Variants in BRIP1 observed in about 807,000 individuals in gnomAD.
The protein encoded by BRIP1 is Fanconi anemia group J protein.
Under a neutral mutation model 119.7 loss-of-function variants are expected in BRIP1, and 88 were observed. That is an observed-to-expected ratio of 0.74 (90% CI 0.62 to 0.88). The LOEUF (loss-of-function observed/expected upper bound fraction) is 0.88. BRIP1 is among the 40% of genes least tolerant of loss of function. The probability of loss-of-function intolerance (pLI) is 0.00; values close to 1 mark genes in which losing one functional copy is unlikely to be tolerated. For synonymous variants in BRIP1, 443 were observed against 496.5 expected, an observed-to-expected ratio of 0.89 and a Z score of 1.43; for missense variants, 1,259 against 1,455.4, an observed-to-expected ratio of 0.87 and a Z score of 2.20.
In BRIP1 at chr17:61,709,967, T is replaced by C. The variant is rs1191190628; in HGVS notation, c.2492+5984A>G. Among the ~76,000 whole-genome samples the C allele has an allele frequency of 2.6e-5, 4 of 152,182 alleles. No homozygotes were observed. The highest frequency in any genetic ancestry group is 9.6e-5 in the African/African-American group (4 of 41,452). On this transcript the variant is annotated intron_variant, in intron 17 of 19. Coordinates refer to ENST00000259008, the MANE Select transcript of BRIP1 (RefSeq NM_032043.3). This position sits in a 1 kb window ranked among gnomAD's most constrained non-coding sequence, Gnocchi z 5.0. The stretch of plus-strand genomic sequence containing the variant: ...CTTACAAGAAGAGTGCCTCAGAGTA[T>C]AAGCACCTTTTCTGTCAATCAATAT...
In BRIP1 at chr17:61,729,363, GATA is replaced by G. The variant is rs2076813530; in HGVS notation, c.2380-13303_2380-13301del. 2.0e-5 allele frequency among the ~76,000 whole-genome samples: 3 copies of G among 152,092 alleles called. No homozygotes were observed. The highest frequency in any genetic ancestry group is 1.3e-4 in the Admixed American group (2 of 15,264). On this transcript the variant is annotated intron_variant, in intron 16 of 19. Coordinates refer to ENST00000259008, the MANE Select transcript of BRIP1 (RefSeq NM_032043.3). This position sits in a 1 kb window ranked among gnomAD's most constrained non-coding sequence, Gnocchi z 5.6. ...CAGTGAACAGTATTTTCATAGTCATGATAATGTACATAATAACTATAGATTTAA... is the reference window on the plus strand; with the variant it reads ...CAGTGAACAGTATTTTCATAGTCATGATGTACATAATAACTATAGATTTAA...
Position 61,834,492 on chromosome 17 carries a change from A to G in BRIP1, c.627+12609T>C, listed in dbSNP as rs937733913. On this transcript the variant is annotated intron_variant, in intron 6 of 19. Coordinates refer to ENST00000259008, the MANE Select transcript of BRIP1 (RefSeq NM_032043.3). The surrounding 1 kb of genome is among the most constrained non-coding windows in gnomAD (Gnocchi z 4.4). ...GATACTGGGTATATATGTAATATATACTACGTAACAAAAATGGCAACAAAT... is the reference window on the plus strand; with the variant it reads ...GATACTGGGTATATATGTAATATATGCTACGTAACAAAAATGGCAACAAAT... Among the ~76,000 whole-genome samples the G allele has an allele frequency of 4.6e-5, 7 of 152,188 alleles. No individual in the cohort carries two copies. The highest frequency in any genetic ancestry group is 1.4e-4 in the African/African-American group (6 of 41,430).
In BRIP1 at chr17:61,825,616, T is replaced by C. The variant is rs1051404740; in HGVS notation, c.628-16859A>G. 1.4e-5 allele frequency among the ~76,000 whole-genome samples: 2 copies of C among 142,534 alleles called. No individual in the cohort carries two copies. Among genetic ancestry groups the C allele is most frequent in the African/African-American group, 2.6e-5 (1 of 38,006 alleles). 93.5% of individuals were successfully genotyped at this position (142,534 alleles called of 152,430 possible). A position where few individuals can be genotyped will look rare whatever the true frequency, so the allele number is the denominator to read the frequency against. ...ATCAGGAATGCAATCCCATTCACAATTGCCACAAATAAATAAATAAATAAA... is the reference window on the plus strand; with the variant it reads ...ATCAGGAATGCAATCCCATTCACAACTGCCACAAATAAATAAATAAATAAA... On this transcript the variant is annotated intron_variant, in intron 6 of 19. Coordinates refer to ENST00000259008, the MANE Select transcript of BRIP1 (RefSeq NM_032043.3). This position sits in a 1 kb window ranked among gnomAD's most constrained non-coding sequence, Gnocchi z 4.1.
rs190780244 is a variant in BRIP1, at chr17:61,696,908, C to T, written c.2493-3396G>A. Among the ~76,000 whole-genome samples, 6 of 146,600 alleles carry T rather than the reference C, an allele frequency of 4.1e-5. No homozygotes were observed. In the Admixed American group the frequency reaches 4.2e-4, roughly 10 times the overall value. The stretch of plus-strand genomic sequence containing the variant: ...GGCTGAGGCAGGAGAATGGCGTGAA[C>T]CTGGGAGGTGGAGCTTGCAGTAAGC... On this transcript the variant is annotated intron_variant, in intron 17 of 19. Transcript: ENST00000259008.
At position 61,825,369 on chromosome 17, in the gene BRIP1, G is replaced by T. The variant is rs1277951652; in HGVS notation, c.628-16612C>A. ...ATTAAACATATTATTGGAAGTCCTG[G>T]CCAGGGCAATCTGACAAGAGAAAGA... On this transcript the variant is annotated intron_variant, in intron 6 of 19. Coordinates refer to ENST00000259008, the MANE Select transcript of BRIP1 (RefSeq NM_032043.3). This position sits in a 1 kb window ranked among gnomAD's most constrained non-coding sequence, Gnocchi z 4.1. 6.6e-6 allele frequency among the ~76,000 whole-genome samples: 1 copy of T among 151,792 alleles called. No individual in the cohort carries two copies. Among genetic ancestry groups the T allele is most frequent in the African/African-American group, 2.4e-5 (1 of 41,282 alleles).
rs966000517 is a variant in BRIP1, at chr17:61,822,923, A to G, written c.628-14166T>C. On this transcript the variant is annotated intron_variant, in intron 6 of 19. Transcript: ENST00000259008. The surrounding 1 kb of genome is among the most constrained non-coding windows in gnomAD (Gnocchi z 4.4). ...TAAGTTTCAAGAAGGCTGAGGAACT[A>G]TGGTCAAAATAGCAGATCATCAACA... 2.0e-5 allele frequency among the ~76,000 whole-genome samples: 3 copies of G among 152,214 alleles called. No homozygotes were observed. The highest frequency in any genetic ancestry group is 4.8e-5 in the African/African-American group (2 of 41,466).
At chr17:61,747,945 C>T (rs2077080887) in intron 14 of BRIP1, among the ~76,000 whole-genome samples, 1 of 150,900 alleles carries the variant, frequency 6.6e-6, no homozygotes, top group Non-Finnish European at 1.5e-5. Flanking sequence ...ACTATATTGC[C>T]CAGGTTGGTC....
rs184738951 is a variant in BRIP1 at position 61,824,011 on chromosome 17, C to T, written c.628-15254G>A. Among the ~76,000 whole-genome samples, 4 of 152,268 alleles carry T rather than the reference C, an allele frequency of 2.6e-5. No individual in the cohort carries two copies. The highest frequency in any genetic ancestry group is 5.9e-5 in the Non-Finnish European group (4 of 68,012). On this transcript the variant is annotated intron_variant, in intron 6 of 19. Transcript: ENST00000259008. The surrounding 1 kb of genome is among the most constrained non-coding windows in gnomAD (Gnocchi z 4.3). ...TGTATTTTTAGTAGACACAGGGTGT[C>T]ACCATGTTAGCCAGGCTGGTCTCAA...
intron 14 of BRIP1, among the ~76,000 whole-genome samples, chr17:61,764,435 G>GC (rs2077321484): frequency 6.6e-6 from 1 of 152,108 alleles, no homozygotes; most frequent in Non-Finnish European, 1.5e-5. Context: ...CCAATGTGGT[G>GC]TCACTTTTTT....
In BRIP1 at chr17:61,774,042, T is replaced by G. The variant is rs1402469561; in HGVS notation, c.2097+2359A>C. ...AGACAGTGTGGCGATTCCTCAAGGA[T>G]CTAAAACTAGAAATACCATTTGACC... On this transcript the variant is annotated intron_variant, in intron 14 of 19. Coordinates refer to ENST00000259008, the MANE Select transcript of BRIP1 (RefSeq NM_032043.3). This position sits in a 1 kb window ranked among gnomAD's most constrained non-coding sequence, Gnocchi z 5.8. Among the ~76,000 whole-genome samples the G allele has an allele frequency of 6.6e-6, 1 of 152,108 alleles. No individual in the cohort carries two copies. The highest frequency in any genetic ancestry group is 2.4e-5 in the African/African-American group (1 of 41,416).
chr17:61,778,320 A>C lies in BRIP1; in HGVS notation c.1936-1758T>G, dbSNP rs540671611. ...AACAGAAAGCAGAATGGTAGTTACC[A>C]GGAGCTGAGGAGAGGGGGAGAATAG... On this transcript the variant is annotated intron_variant, in intron 13 of 19. Transcript: ENST00000259008. This position sits in a 1 kb window ranked among gnomAD's most constrained non-coding sequence, Gnocchi z 4.4. Among the ~76,000 whole-genome samples the C allele has an allele frequency of 6.6e-6, 1 of 152,276 alleles. No individual in the cohort carries two copies. Among genetic ancestry groups the C allele is most frequent in the East Asian group, 1.9e-4 (1 of 5,172 alleles).
rs1231648413 is a variant in BRIP1 at position 61,695,116 on chromosome 17, A to T, written c.2493-1604T>A. Among the ~76,000 whole-genome samples the T allele has an allele frequency of 6.6e-6, 1 of 152,032 alleles. No individual in the cohort carries two copies. Among genetic ancestry groups the T allele is most frequent in the African/African-American group, 2.4e-5 (1 of 41,448 alleles). On this transcript the variant is annotated intron_variant, in intron 17 of 19. Coordinates refer to ENST00000259008, the MANE Select transcript of BRIP1 (RefSeq NM_032043.3). The surrounding 1 kb of genome is among the most constrained non-coding windows in gnomAD (Gnocchi z 4.3). ...GCCTAATACAAGGTCAAGAAAATTT[A>T]TACCTCTGTTTTTGCCTTTTTCTGT...
At chr17:61,741,472 G>A (rs2076985744) in intron 16 of BRIP1, among the ~76,000 whole-genome samples, 2 of 152,292 alleles carry the variant, frequency 1.3e-5, no homozygotes, top group Admixed American at 1.3e-4. Flanking sequence ...TGCATCAGAG[G>A]ACTCGCTATC....
Position 61,787,520 on chromosome 17 carries a change from T to C in BRIP1, c.1474-3096A>G, listed in dbSNP as rs1056462633. On this transcript the variant is annotated intron_variant, in intron 10 of 19. Coordinates refer to ENST00000259008, the MANE Select transcript of BRIP1 (RefSeq NM_032043.3). ...AGGTAAATTTTAAGCATGTGAATTA[T>C]ACCTCAATAGAGCTGTTAATTAAAA... 4.8e-5 allele frequency among the ~76,000 whole-genome samples: 7 copies of C among 145,458 alleles called. 1 individual carries two copies. The highest frequency in any genetic ancestry group is 1.4e-4 in the Admixed American group (2 of 14,222).
chr17:61,755,175 GA>G lies in BRIP1; in HGVS notation c.2098-10585del, dbSNP rs35797579. ...TTTTGAATGAATTTTATAAATGAAT[GA>G]AAAATGAAGGTCCAAAACAATGGAA... On this transcript the variant is annotated intron_variant, in intron 14 of 19. Transcript: ENST00000259008. The surrounding 1 kb of genome is among the most constrained non-coding windows in gnomAD (Gnocchi z 4.5). Among the ~76,000 whole-genome samples the G allele has an allele frequency of 6.6e-6, 1 of 152,160 alleles. No individual in the cohort carries two copies. Among genetic ancestry groups the G allele is most frequent in the African/African-American group, 2.4e-5 (1 of 41,426 alleles).
rs959608047 is a variant in BRIP1, at chr17:61,812,911, C to T, written c.628-4154G>A. 3.3e-5 allele frequency among the ~76,000 whole-genome samples: 5 copies of T among 152,104 alleles called. No homozygotes were observed. In the East Asian group the frequency reaches 9.6e-4, roughly 29 times the overall value. On this transcript the variant is annotated intron_variant, in intron 6 of 19. Coordinates refer to ENST00000259008, the MANE Select transcript of BRIP1 (RefSeq NM_032043.3). ...CACAAGCTATAATTATAAGTTCAAACGGTAACATACCACAATGTCAACTTC... is the reference window on the plus strand; with the variant it reads ...CACAAGCTATAATTATAAGTTCAAATGGTAACATACCACAATGTCAACTTC...
Position 61,738,158 on chromosome 17 carries a change from G to A in BRIP1, c.2379+4855C>T, listed in dbSNP as rs935973287. Among the ~76,000 whole-genome samples the A allele has an allele frequency of 1.5e-4, 23 of 152,146 alleles. No homozygotes were observed. Among genetic ancestry groups the A allele is most frequent in the African/African-American group, 5.3e-4 (22 of 41,434 alleles). On this transcript the variant is annotated intron_variant, in intron 16 of 19. Coordinates refer to ENST00000259008, the MANE Select transcript of BRIP1 (RefSeq NM_032043.3). The surrounding 1 kb of genome is among the most constrained non-coding windows in gnomAD (Gnocchi z 4.2). ...AGAGTAGCTGAGCCCAGCTAAAATCGAGAGAGCCAACCAACCAAGCCCAAG... is the reference window on the plus strand; with the variant it reads ...AGAGTAGCTGAGCCCAGCTAAAATCAAGAGAGCCAACCAACCAAGCCCAAG...
chr17:61,855,220 G>A (rs1829385110), intron 4 of BRIP1, among the ~76,000 whole-genome samples: 1 of 152,134 alleles, frequency 6.6e-6, no homozygotes, highest in Admixed American at 6.5e-5. Context: ...GGGTTGGTGT[G>A]TATGTTCACT....
rs1251594113 is a variant in BRIP1 at position 61,717,735 on chromosome 17, C to T, written c.2380-1672G>A. Among the ~76,000 whole-genome samples, 2 of 151,978 alleles carry T rather than the reference C, an allele frequency of 1.3e-5. No individual in the cohort carries two copies. The highest frequency in any genetic ancestry group is 2.9e-5 in the Non-Finnish European group (2 of 67,978). On this transcript the variant is annotated intron_variant, in intron 16 of 19. Transcript: ENST00000259008. This position sits in a 1 kb window ranked among gnomAD's most constrained non-coding sequence, Gnocchi z 4.1. ...GTTTCTATCAAACTTGAAAAATTTT[C>T]AGCCATTATTTCTCTAAATATATAT...
Sources: gnomAD v4.1 joint callset for allele counts (sites outside exome capture counted in the v4.1 genomes callset) on GRCh38, gnomAD v4.1.1 for gene constraint, Gnocchi (gnomAD v3.1) non-coding constraint, MANE v1.5 for transcripts, NCBI Gene and HGNC (gene_info 2026-07-23, HGNC 2026-07-21) for gene names.